GNB1: variants seen among roughly 807,000 people sequenced by gnomAD.
GNB1 encodes the protein G protein subunit beta 1.
GNB1 carries 2 observed loss-of-function variants against 42.9 expected under a neutral mutation model. That is an observed-to-expected ratio of 0.05 (90% CI 0.02 to 0.15). The LOEUF is 0.15. GNB1 is among the 10% of genes least tolerant of loss of function. The probability of loss-of-function intolerance (pLI) is 1.00; values close to 1 mark genes in which losing one functional copy is unlikely to be tolerated. For missense variants in GNB1, 193 were observed against 462.2 expected, an observed-to-expected ratio of 0.42 and a Z score of 5.34; for synonymous variants, 183 against 174.7, an observed-to-expected ratio of 1.05 and a Z score of -0.38.
At chr1:1,886,904 G>A (rs1407682843) in intron 1 of GNB1, among the ~76,000 whole-genome samples, 2 of 152,034 alleles carry the variant, frequency 1.3e-5, no homozygotes, top group African/African-American at 2.4e-5. Flanking sequence ...TAGTAGAGAA[G>A]GGGTTTCACC....
intron 1 of GNB1, among the ~76,000 whole-genome samples, chr1:1,867,579 C>G (rs1257466469): frequency 6.6e-6 from 1 of 152,100 alleles, no homozygotes; most frequent in Non-Finnish European, 1.5e-5. Flanking sequence ...TTATTTCTTC[C>G]TTTGGATAAA....
rs79504690 is a variant in GNB1 at position 1,885,868 on chromosome 1, T to TA, written c.-96+4951dup. Among the ~76,000 whole-genome samples the TA allele has an allele frequency of 3.1e-3, 398 of 130,236 alleles. 5 individuals are homozygous for TA. Among genetic ancestry groups the TA allele is most frequent in the Middle Eastern group, 7.9e-3 (2 of 254 alleles). 85.4% of individuals were successfully genotyped at this position (130,236 alleles called of 152,430 possible). Reference sequence around the variant, plus strand: ...CCACCGTGCCCGGCCCACTTAATCTTAAAAAAAAAAAAAAGCAAGCAAGCA... The same window carrying TA: ...CCACCGTGCCCGGCCCACTTAATCTTAAAAAAAAAAAAAAAGCAAGCAAGCA... On this transcript the variant is annotated intron_variant, in intron 1 of 11. Transcript: ENST00000378609.
At chr1:1,855,636 G>A (rs1648247578) in intron 1 of GNB1, among the ~76,000 whole-genome samples, 1 of 151,676 alleles carries the variant, frequency 6.6e-6, no homozygotes. Flanking sequence ...ACCCCGGGGG[G>A]CGGAGCCTGC....
At position 1,848,221 on chromosome 1, in the gene GNB1, T is replaced by TAA. The variant is rs372842583; in HGVS notation, c.-95-8985_-95-8984dup. Among the ~76,000 whole-genome samples, 1,249 of 150,286 alleles carry TAA rather than the reference T, an allele frequency of 8.3e-3. 22 individuals are homozygous for TAA. Among genetic ancestry groups the TAA allele is most frequent in the African/African-American group, 0.029 (1,199 of 40,954 alleles). ...AGTGAAACTCTGTCTCTACTAAAAA[T>TAA]AAAAAAAATTAGCCGGGCATGGTGG... is the stretch of plus-strand genomic sequence containing the variant. On this transcript the variant is annotated intron_variant, in intron 1 of 11. Coordinates refer to ENST00000378609, the MANE Select transcript of GNB1 (RefSeq NM_002074.5).
At chr1:1,858,699 G>A (rs1188630158) in intron 1 of GNB1, among the ~76,000 whole-genome samples, 1 of 152,168 alleles carries the variant, frequency 6.6e-6, no homozygotes, top group Non-Finnish European at 1.5e-5. Flanking sequence ...AGAGGACACC[G>A]AAAGACATTT....
chr1:1,853,810 G>A (rs1209500143), intron 1 of GNB1, among the ~76,000 whole-genome samples: 3 of 152,084 alleles, frequency 2.0e-5, no homozygotes, highest in Non-Finnish European at 4.4e-5. Context: ...GCCTACTCTG[G>A]TGCCAGGCAC....
rs891981599 is a variant in GNB1, at chr1:1,787,638, A to ACG, written c.917-203_917-202dup. 3.9e-5 allele frequency among the ~76,000 whole-genome samples: 6 copies of ACG among 152,234 alleles called. No homozygotes were observed. The highest frequency in any genetic ancestry group is 6.8e-3 in the Middle Eastern group (2 of 294). ...GCCAGCCTTGTTAAAATTCAAAGACACGCACACACACGCAATCGATAAATC... is the reference window on the plus strand; with the variant it reads ...GCCAGCCTTGTTAAAATTCAAAGACACGCGCACACACACGCAATCGATAAATC... On this transcript the variant is annotated intron_variant, in intron 10 of 11. Transcript: ENST00000378609. The surrounding 1 kb of genome is among the most constrained non-coding windows in gnomAD (Gnocchi z 4.4).
Position 1,790,410 on chromosome 1 carries a change from G to A in GNB1, c.684C>T (p.Asp228=), listed in dbSNP as rs752638794. The change falls in exon 9 of 12, where the codon GAC becomes GAT. Residue 228 remains aspartate, a synonymous_variant. Transcript: ENST00000378609. The surrounding 1 kb of genome is among the most constrained non-coding windows in gnomAD (Gnocchi z 5.4). ...CCAGACTCACGCAAATGGCATTGAT[G>A]TCAGACTCGTGGCCAGTGAAGGTCT... ...CRQTFTGHES[D]INAICFFPNG... 4 of 1,612,968 alleles carry A rather than the reference G, an allele frequency of 2.5e-6. No individual in the cohort carries two copies. The highest frequency in any genetic ancestry group is 1.7e-5 in the Admixed American group (1 of 59,996).
Position 1,865,379 on chromosome 1 carries a change from G to A in GNB1, c.-96+25441C>T, listed in dbSNP as rs995799292. Among the ~76,000 whole-genome samples the A allele has an allele frequency of 2.7e-5, 4 of 150,574 alleles. No homozygotes were observed. The South Asian group carries it at 6.3e-4, about 24-fold the overall frequency. Reference sequence around the variant, plus strand: ...AGGAGGGCGGATCACAAGGTCAGGAGATCGAGACCATCCTGGCTAACACGG... The same window carrying A: ...AGGAGGGCGGATCACAAGGTCAGGAAATCGAGACCATCCTGGCTAACACGG... On this transcript the variant is annotated intron_variant, in intron 1 of 11. Transcript: ENST00000378609.
intron 1 of GNB1, among the ~76,000 whole-genome samples, chr1:1,850,290 CCTG>C (rs1419058451): frequency 1.3e-5 from 2 of 152,058 alleles, no homozygotes; most frequent in Non-Finnish European, 2.9e-5. Context: ...GCCATCACAC[CCTG>C]CTAATTTTTT....
intron 1 of GNB1, among the ~76,000 whole-genome samples, chr1:1,855,878 C>T (rs139470990): frequency 2.8e-4 from 43 of 152,358 alleles, no homozygotes; most frequent in African/African-American, 9.6e-4. Flanking sequence ...CTATGACCTT[C>T]TTAACCTAAG....
chr1:1,835,832 C>T (rs898750665), intron 2 of GNB1, among the ~76,000 whole-genome samples: 5 of 147,484 alleles, frequency 3.4e-5, no homozygotes, highest in African/African-American at 1.0e-4. Context: ...GAGCACTTTC[C>T]GAGGCAAGGC....
rs1647066920 is a variant in GNB1, at chr1:1,830,905, T to C, written c.-46-5406A>G. On this transcript the variant is annotated intron_variant, in intron 2 of 11. Transcript: ENST00000378609. ...GCAGCCAGGTGCAATGGCTCAAGCC[T>C]ATAATCCCAGCACTTTGAGAGGCTG... Among the ~76,000 whole-genome samples, 3 of 152,160 alleles carry C rather than the reference T, an allele frequency of 2.0e-5. No homozygotes were observed. The South Asian group carries it at 6.2e-4, about 31-fold the overall frequency.
intron 5 of GNB1, among the ~76,000 whole-genome samples, chr1:1,807,480 A>C (rs1437164653): frequency 7.4e-5 from 11 of 149,204 alleles, no homozygotes; most frequent in South Asian, 2.1e-4. Context: ...AAAAAAAAAA[A>C]AAAAAAAAAA....
intron 1 of GNB1, among the ~76,000 whole-genome samples, chr1:1,845,516 T>C (rs1230470875): frequency 6.6e-6 from 1 of 152,066 alleles, no homozygotes; most frequent in South Asian, 2.1e-4. Flanking sequence ...GAGCTTGCAG[T>C]GAGCCGAGAT....
At chr1:1,791,665 A>G (rs1005281931) in intron 8 of GNB1, among the ~76,000 whole-genome samples, 1 of 152,224 alleles carries the variant, frequency 6.6e-6, no homozygotes, top group Non-Finnish European at 1.5e-5. Flanking sequence ...CGTTCATGTC[A>G]GCCTCAGAGG....
intron 2 of GNB1, among the ~76,000 whole-genome samples, chr1:1,833,723 A>G (rs954898388): frequency 6.6e-6 from 1 of 152,244 alleles, no homozygotes; most frequent in Non-Finnish European, 1.5e-5. Flanking sequence ...CATGGCTGTT[A>G]GACATGACCT....
intron 1 of GNB1, among the ~76,000 whole-genome samples, chr1:1,879,113 C>G (rs1649701289): frequency 2.6e-5 from 4 of 152,188 alleles, no homozygotes; most frequent in Non-Finnish European, 4.4e-5. Flanking sequence ...GGAAAAGGCA[C>G]AATCCTACAG....
At chr1:1,876,512 A>AGAGAGAGAGAGC (rs958427005) in intron 1 of GNB1, among the ~76,000 whole-genome samples, 11 of 151,904 alleles carry the variant, frequency 7.2e-5, no homozygotes, top group Non-Finnish European at 1.3e-4. Flanking sequence ...AGAGAGAGAG[A>AGAGAGAGAGAGC]GAGCGAGCGT....
Sources: gnomAD v4.1 joint callset for allele counts (sites outside exome capture counted in the v4.1 genomes callset) on GRCh38, gnomAD v4.1.1 for gene constraint, Gnocchi (gnomAD v3.1) non-coding constraint, MANE v1.5 for transcripts, NCBI Gene and HGNC (gene_info 2026-07-23, HGNC 2026-07-21) for gene names.